The following SUN1 variants were observed in gnomAD, a reference collection of about 807,000 sequenced individuals.
SUN1 encodes the protein Sad1 and UNC84 domain containing 1, also known as SUN domain-containing protein 1.
A neutral mutation model predicts 103.2 loss-of-function variants in SUN1; 61 were observed. That is an observed-to-expected ratio of 0.59 (90% confidence interval 0.48 to 0.73). SUN1 has a LOEUF of 0.73. SUN1 is among the 30% of genes least tolerant of loss of function. The pLI is 0.00. For missense variants in SUN1, 1,052 were observed against 1,034.6 expected, an observed-to-expected ratio of 1.02 and a Z score of -0.23; for synonymous variants, 490 against 425.7, an observed-to-expected ratio of 1.15 and a Z score of -1.86.
At chr7:851,297 G>A in intron 5 of SUN1, 87 bp from the exon 6 acceptor site, 1 of 1,163,312 alleles carries the variant, frequency 8.6e-7, no homozygotes, top group Middle Eastern at 2.6e-4. Flanking sequence ...TTGGTGAAGT[G>A]TGTGGCTTGG....
intron 15 of SUN1, 87 bp from the exon 16 acceptor site, chr7:865,865 A>T: frequency 8.8e-7 from 1 of 1,133,430 alleles, no homozygotes; most frequent in Admixed American, 1.9e-5. Context: ...TCTTGGAAAC[A>T]TTTTAATAAA....
chr7:853,622 G>A lies in SUN1; in HGVS notation c.1263+4G>A. ...TGTGGGACAGCCCCCGAGGGAGGTGGGTGCTGCCGGGCTACCAGGCTCCAT... is the reference window on the plus strand; with the variant it reads ...TGTGGGACAGCCCCCGAGGGAGGTGAGTGCTGCCGGGCTACCAGGCTCCAT... On this transcript the variant is annotated splice_donor_region_variant and intron_variant, in intron 10 of 18. Transcript: ENST00000401592. The A allele has an allele frequency of 1.9e-6, 3 of 1,599,282 alleles. No homozygotes were observed. The highest frequency in any genetic ancestry group is 1.7e-6 in the Non-Finnish European group (2 of 1,179,570).
At chr7:816,958 C>A in intron 1 of SUN1, 1 of 152,996 alleles carries the variant, frequency 6.5e-6, no homozygotes, top group South Asian at 2.0e-4. Context: ...GGCGCGGGGT[C>A]GGGGGCGGAG....
At position 873,838 on chromosome 7, in the gene SUN1, A is replaced by AGTAG. The variant is rs1162385554; in HGVS notation, c.*511_*514dup. On this transcript the variant is annotated 3_prime_UTR_variant, in exon 19 of 19. Coordinates refer to ENST00000401592, the MANE Select transcript of SUN1 (RefSeq NM_001130965.3). ...CCGGAATTTTCCTTTTTTCAGCACCAGTAGGTACTAAGTCTCCAGATGGGG... is the reference window on the plus strand; with the variant it reads ...CCGGAATTTTCCTTTTTTCAGCACCAGTAGGTAGGTACTAAGTCTCCAGATGGGG... The AGTAG allele has an allele frequency of 6.5e-6, 1 of 153,552 alleles. No individual in the cohort carries two copies. Among genetic ancestry groups the AGTAG allele is most frequent in the Admixed American group, 6.5e-5 (1 of 15,402 alleles). 9.5% of individuals were successfully genotyped at this position (153,552 alleles called of 1,614,324 possible). A position where few individuals can be genotyped will look rare whatever the true frequency, so the allele number is the denominator to read the frequency against.
intron 1 of SUN1, among the ~76,000 whole-genome samples, chr7:817,124 G>A (rs1360383497): frequency 6.6e-6 from 1 of 151,878 alleles, no homozygotes; most frequent in East Asian, 1.9e-4. Context: ...GTGGGGTGGT[G>A]GGAAGACGGT....
chr7:834,436 C>G (rs1800964154), intron 1 of SUN1, among the ~76,000 whole-genome samples: 1 of 152,110 alleles, frequency 6.6e-6, no homozygotes, highest in Non-Finnish European at 1.5e-5. Flanking sequence ...GGAGCACAGC[C>G]GGAGACTGGA....
At chr7:849,600 C>A in intron 5 of SUN1, 1 of 1,467,526 alleles carries the variant, frequency 6.8e-7, no homozygotes, top group Non-Finnish European at 9.2e-7. Context: ...TGGGGAAGCG[C>A]TGTGTAAGTA....
At chr7:858,440 A>C (rs1829508793) in intron 13 of SUN1, among the ~76,000 whole-genome samples, 1 of 152,108 alleles carries the variant, frequency 6.6e-6, no homozygotes, top group Non-Finnish European at 1.5e-5. Flanking sequence ...CAAAATAACT[A>C]ATTCAGTGCT....
chr7:827,470 T>TC (rs1793362135), intron 1 of SUN1, among the ~76,000 whole-genome samples: 7 of 141,514 alleles, frequency 4.9e-5, no homozygotes, highest in Non-Finnish European at 9.5e-5. Context: ...AAGTCCGTTT[T>TC]TTTTTTTTTT....
chr7:856,942 C>T (rs1056451412), intron 12 of SUN1, among the ~76,000 whole-genome samples: 1 of 152,194 alleles, frequency 6.6e-6, no homozygotes, highest in Non-Finnish European at 1.5e-5. Context: ...TCGGCCCTGC[C>T]GCCCTTGGAA....
chr7:848,348 A>G, intron 5 of SUN1: 1 of 1,261,450 alleles, frequency 7.9e-7, no homozygotes, highest in Non-Finnish European at 1.1e-6. Flanking sequence ...TAATTTGGCT[A>G]CCTGACTTAT....
chr7:816,040 C>T (rs1780287475), upstream of SUN1: 1 of 216,330 alleles, frequency 4.6e-6, no homozygotes, highest in Non-Finnish European at 9.7e-6. Context: ...GCAGACCCCT[C>T]CCCCGGATCC....
At chr7:835,835 G>T (rs537743834) in intron 1 of SUN1, among the ~76,000 whole-genome samples, 1 of 152,220 alleles carries the variant, frequency 6.6e-6, no homozygotes, top group African/African-American at 2.4e-5. Flanking sequence ...CGGAACCAAC[G>T]TGCTGCTGCC....
intron 5 of SUN1, among the ~76,000 whole-genome samples, chr7:844,307 AAGCCCTTAGC>A (rs1250559510): frequency 6.6e-6 from 1 of 152,116 alleles, no homozygotes; most frequent in East Asian, 1.9e-4. Context: ...CCTGGTTCTC[AAGCCCTTAGC>A]AGCTTGTCCT....
intron 15 of SUN1, among the ~76,000 whole-genome samples, chr7:863,732 G>A (rs565383555): frequency 6.6e-6 from 1 of 152,298 alleles, no homozygotes; most frequent in Admixed American, 6.5e-5. Flanking sequence ...GAGCTCACCT[G>A]CTGGGTGACA....
intron 5 of SUN1, chr7:850,252 G>A: frequency 1.9e-6 from 1 of 527,532 alleles, no homozygotes; most frequent in South Asian, 2.1e-5. Flanking sequence ...AGGCTGGAGT[G>A]CAGTGGTGCA....
intron 1 of SUN1, among the ~76,000 whole-genome samples, chr7:821,136 C>T (rs951736749): frequency 4.2e-5 from 6 of 142,136 alleles, no homozygotes; most frequent in African/African-American, 1.6e-4. Context: ...AGAGTGGATG[C>T]TAACATCTAT....
At chr7:856,649 G>T (rs568383900) in intron 12 of SUN1, among the ~76,000 whole-genome samples, 1 of 152,292 alleles carries the variant, frequency 6.6e-6, no homozygotes, top group Admixed American at 6.5e-5. Flanking sequence ...GGTGCTGTCC[G>T]CGCCCCTGCT....
chr7:858,848 G>A (rs929759728), intron 13 of SUN1, among the ~76,000 whole-genome samples: 8 of 152,198 alleles, frequency 5.3e-5, no homozygotes, highest in African/African-American at 1.9e-4. Flanking sequence ...AAGAGAAGCA[G>A]TGGTGACAGA....
Sources: gnomAD v4.1 joint callset for allele counts (sites outside exome capture counted in the v4.1 genomes callset) on GRCh38, gnomAD v4.1.1 for gene constraint, MANE v1.5 for transcripts, NCBI Gene and HGNC (gene_info 2026-07-23, HGNC 2026-07-21) for gene names.